Variants in EBF2 observed in about 807,000 individuals in gnomAD.
The protein encoded by EBF2 is EBF transcription factor 2.
Under a neutral mutation model 72.8 loss-of-function variants are expected in EBF2, and 21 were observed. That is an observed-to-expected ratio of 0.29 (90% CI 0.20 to 0.42). EBF2 has a LOEUF of 0.42. EBF2 is among the 10% of genes least tolerant of loss of function. The pLI, the probability that EBF2 is intolerant of heterozygous loss-of-function variation, is 1.00. For missense variants in EBF2, 637 were observed against 731.2 expected (o/e 0.87, Z 1.49); for synonymous variants, 299 against 274.2 (o/e 1.09, Z -0.89).
chr8:25,981,855 C>A (rs573510379), intron 6 of EBF2, among the ~76,000 whole-genome samples: 5 of 151,738 alleles, frequency 3.3e-5, no homozygotes, highest in Non-Finnish European at 7.4e-5. Flanking sequence ...GGAATAGATG[C>A]CCAGTTCTCC....
chr8:26,030,109 A>T (rs574668376), intron 6 of EBF2, among the ~76,000 whole-genome samples: 1 of 152,190 alleles, frequency 6.6e-6, no homozygotes, highest in Admixed American at 6.5e-5. Flanking sequence ...ATGGGATCCC[A>T]CTATGGTGCT....
At chr8:25,965,538 C>T (rs183437791) in intron 6 of EBF2, among the ~76,000 whole-genome samples, 114 of 152,292 alleles carry the variant, frequency 7.5e-4, no homozygotes, top group African/African-American at 2.6e-3. Flanking sequence ...ATGTAGCAAA[C>T]GTAAGCATGC....
At chr8:26,031,133 G>A (rs758542377) in intron 6 of EBF2, among the ~76,000 whole-genome samples, 7 of 152,034 alleles carry the variant, frequency 4.6e-5, no homozygotes, top group African/African-American at 7.2e-5. Flanking sequence ...TGTTTATTAC[G>A]AAAAAGGATG....
At chr8:25,899,219 G>C (rs1031958269) in intron 7 of EBF2, among the ~76,000 whole-genome samples, 1 of 150,736 alleles carries the variant, frequency 6.6e-6, no homozygotes, top group Non-Finnish European at 1.5e-5. Context: ...CTAAGAGAAA[G>C]ATCCTCCGAC....
chr8:25,898,245 A>G (rs1052325747), intron 7 of EBF2, among the ~76,000 whole-genome samples: 4 of 152,194 alleles, frequency 2.6e-5, no homozygotes, highest in African/African-American at 4.8e-5. Context: ...GTGAGATTTA[A>G]GAACAGACCT....
intron 5 of EBF2, among the ~76,000 whole-genome samples, chr8:26,035,057 C>A (rs1380752270): frequency 6.6e-6 from 1 of 152,082 alleles, no homozygotes; most frequent in Non-Finnish European, 1.5e-5. Flanking sequence ...TCCATGAGCA[C>A]CCTTTGAAAG....
chr8:25,912,791 C>T (rs1803150560), intron 6 of EBF2, among the ~76,000 whole-genome samples: 1 of 152,128 alleles, frequency 6.6e-6, no homozygotes, highest in Non-Finnish European at 1.5e-5. Flanking sequence ...AGTCTGGAGA[C>T]CCCTGAATCT....
chr8:25,845,330 T>C (rs913013643), intron 15 of EBF2, among the ~76,000 whole-genome samples: 2 of 148,464 alleles, frequency 1.3e-5, no homozygotes, highest in African/African-American at 5.1e-5. Context: ...TGGGTTCAAG[T>C]GATTCTCCTG....
rs868512581 is a variant in EBF2, at chr8:25,887,919, C to T, written c.805G>A (p.Ala269Thr). ...TTGTCCCCGATGATGATGACCATGG[C>T]TCCTCCTGTGGTCCAGCCTTCACTC... is the stretch of plus-strand genomic sequence containing the variant. The part of the protein sequence containing the change: ...SPSEGWTTGG[A>T]MVIIIGDNFF... The change falls in exon 9 of 16, where the codon GCC becomes ACC. Residue 269 changes from alanine (A) to threonine (T), a missense_variant. Coordinates refer to ENST00000520164, the MANE Select transcript of EBF2 (RefSeq NM_022659.4). The T allele has an allele frequency of 6.2e-7, 1 of 1,613,840 alleles. No individual in the cohort carries two copies. The highest frequency in any genetic ancestry group is 8.5e-7 in the Non-Finnish European group (1 of 1,179,848).
intron 6 of EBF2, among the ~76,000 whole-genome samples, chr8:26,007,905 A>G (rs1464105115): frequency 1.3e-5 from 2 of 152,194 alleles, no homozygotes; most frequent in East Asian, 3.9e-4. Context: ...TTCCCTAAAA[A>G]AAAAAAAATA....
At chr8:26,034,275 T>C (rs1263574837) in intron 5 of EBF2, among the ~76,000 whole-genome samples, 1 of 152,188 alleles carries the variant, frequency 6.6e-6, no homozygotes, top group Admixed American at 6.5e-5. Flanking sequence ...CAAGGAGCTG[T>C]TGGATGGTAG....
At chr8:25,880,870 C>G (rs1326371639) in intron 10 of EBF2, among the ~76,000 whole-genome samples, 1 of 152,164 alleles carries the variant, frequency 6.6e-6, no homozygotes, top group Non-Finnish European at 1.5e-5. Flanking sequence ...CCTCTGAACT[C>G]CCTTAGCACG....
At chr8:25,905,549 T>C (rs893556998) in intron 7 of EBF2, among the ~76,000 whole-genome samples, 1 of 152,152 alleles carries the variant, frequency 6.6e-6, no homozygotes, top group African/African-American at 2.4e-5. Context: ...TAGAGGAACT[T>C]TAAAAACATT....
At chr8:25,978,586 G>C (rs1278006972) in intron 6 of EBF2, among the ~76,000 whole-genome samples, 5 of 152,142 alleles carry the variant, frequency 3.3e-5, no homozygotes. Flanking sequence ...CAGCCCTCCT[G>C]AGCCCCACAT....
At chr8:25,959,389 G>A (rs1044680618) in intron 6 of EBF2, among the ~76,000 whole-genome samples, 2 of 152,112 alleles carry the variant, frequency 1.3e-5, no homozygotes, top group Non-Finnish European at 2.9e-5. Context: ...ATTTTTTGTA[G>A]AGATAGGATT....
At chr8:25,968,203 C>T (rs1010995579) in intron 6 of EBF2, among the ~76,000 whole-genome samples, 3 of 151,984 alleles carry the variant, frequency 2.0e-5, no homozygotes, top group East Asian at 1.9e-4. Flanking sequence ...CCCAGAAGAA[C>T]TGGAAGCAGG....
At chr8:25,923,032 G>C (rs1358515172) in intron 6 of EBF2, among the ~76,000 whole-genome samples, 8 of 152,134 alleles carry the variant, frequency 5.3e-5, no homozygotes, top group African/African-American at 1.9e-4. Flanking sequence ...TCACTCAGAG[G>C]CCACAGAGCC....
chr8:26,006,368 C>T (rs1193546976), intron 6 of EBF2, among the ~76,000 whole-genome samples: 1 of 152,148 alleles, frequency 6.6e-6, no homozygotes, highest in Non-Finnish European at 1.5e-5. Context: ...TGCTAGACAA[C>T]CTCTATAATT....
At chr8:25,909,759 T>G (rs10093175) in intron 6 of EBF2, among the ~76,000 whole-genome samples, 67,115 of 151,974 alleles carry the variant, frequency 0.44, 16,493 homozygotes, top group East Asian at 0.72. Context: ...AACTGATGAG[T>G]AGATAAACAG....
Sources: gnomAD v4.1 joint callset for allele counts (sites outside exome capture counted in the v4.1 genomes callset) on GRCh38, gnomAD v4.1.1 for gene constraint, MANE v1.5 for transcripts, NCBI Gene and HGNC (gene_info 2026-07-23, HGNC 2026-07-21) for gene names.